IGFBP6: variants seen among roughly 807,000 people sequenced by gnomAD.
IGFBP6 encodes insulin-like growth factor-binding protein 6.
IGFBP6 carries 24 observed loss-of-function variants against 24.5 expected under a neutral mutation model. The ratio of observed to expected loss-of-function variants is 0.98; its 90% CI spans 0.71 to 1.38. IGFBP6 has a LOEUF of 1.38. Ranked by LOEUF, IGFBP6 falls within the 40% of genes most tolerant of loss-of-function variation. The pLI, the probability that IGFBP6 is intolerant of heterozygous loss-of-function variation, is 0.00. For synonymous variants in IGFBP6, 147 were observed against 137.4 expected, an observed-to-expected ratio of 1.07 and a Z score of -0.49; for missense variants, 331 against 324.8, an observed-to-expected ratio of 1.02 and a Z score of -0.15.
intron 1 of IGFBP6, among the ~76,000 whole-genome samples, chr12:53,098,438 G>A (rs904429254): frequency 6.6e-6 from 1 of 152,026 alleles, no homozygotes; most frequent in African/African-American, 2.4e-5. Flanking sequence ...GGACCCAAAT[G>A]TTGTTCTCAG....
chr12:53,101,898 C>CAAAAAAAA (rs57771658), intron 3 of IGFBP6, 147 bp from the exon 4 acceptor site: 6 of 199,410 alleles, frequency 3.0e-5, no homozygotes, highest in South Asian at 4.2e-5. Flanking sequence ...GACTCCATCT[C>CAAAAAAAA]AAAAAAAAAA....
At chr12:53,099,427 C>T (rs1423888414) in intron 1 of IGFBP6, 7 of 421,530 alleles carry the variant, frequency 1.7e-5, no homozygotes, top group African/African-American at 8.1e-5. Context: ...TTGAGCTGGC[C>T]TGGGTCACAG....
intron 1 of IGFBP6, 112 bp from the exon 2 acceptor site, chr12:53,100,600 C>G (rs1444621442): frequency 1.2e-5 from 11 of 950,796 alleles, no homozygotes; most frequent in Non-Finnish European, 1.8e-5. Context: ...CATCATGCAA[C>G]AGCGGGGCAT....
rs770998073 is a variant in IGFBP6, at chr12:53,097,994, C to A, written c.277C>A (p.Pro93Thr). 15 of 1,516,180 alleles carry A rather than the reference C, an allele frequency of 9.9e-6. No homozygotes were observed. The highest frequency in any genetic ancestry group is 1.1e-5 in the Non-Finnish European group (13 of 1,139,662). 93.9% of individuals were successfully genotyped at this position (1,516,180 alleles called of 1,614,324 possible). The change falls in exon 1 of 4, where the codon CCT (proline) becomes ACT (threonine). Residue 93 changes from proline (P) to threonine (T), a missense_variant. Transcript: ENST00000301464. ...CCATCCGCCCAAGGACGACGAGGCG[C>A]CTTTGCGGGCGCTGCTGCTCGGCCG... is the stretch of plus-strand genomic sequence containing the variant. ...QCHPPKDDEA[P>T]LRALLLGRGR... is the part of the protein sequence containing the mutation.
intron 3 of IGFBP6, 110 bp downstream of exon 3, chr12:53,101,270 A>T: frequency 1.8e-6 from 2 of 1,090,446 alleles, no homozygotes. Context: ...ATCTTTAAGG[A>T]TCTTCCAACT....
intron 1 of IGFBP6, 54 bp from the exon 2 acceptor site, chr12:53,100,658 C>G (rs1179995313): frequency 7.5e-6 from 12 of 1,594,282 alleles, no homozygotes; most frequent in African/African-American, 1.3e-5. Flanking sequence ...CAAGGCCCTT[C>G]TCCACATGGC....
Position 53,100,776 on chromosome 12 carries a change from C to T in IGFBP6, c.399C>T (p.Asn133=), listed in dbSNP as rs749026094. The T allele has an allele frequency of 9.9e-6, 16 of 1,614,204 alleles. No homozygotes were observed. The highest frequency in any genetic ancestry group is 1.0e-5 in the Non-Finnish European group (12 of 1,180,034). ...GCACTGCCCGCCCACAGGATGTGAA[C>T]CGCAGAGACCAACAGAGGAATCCAG... ...QAGTARPQDV[N]RRDQQRNPGT... Residue 133 remains asparagine, a synonymous_variant, in exon 2 of 4, where the codon AAC becomes AAT. Coordinates refer to ENST00000301464, the MANE Select transcript of IGFBP6 (RefSeq NM_002178.3).
rs1171003791 is a variant in IGFBP6 at position 53,097,800 on chromosome 12, G to T, written c.83G>T (p.Arg28Leu). The part of the protein sequence containing the change: ...LAASPGGALA[R>L]CPGCGQGVQA... The stretch of plus-strand genomic sequence containing the variant: ...GCCAGCCCAGGAGGCGCCTTGGCGC[G>T]GTGCCCAGGCTGCGGGCAAGGGGTG... Residue 28 changes from arginine to leucine, a missense_variant, in exon 1 of 4, where the codon CGG (arginine) becomes CTG (leucine). Transcript: ENST00000301464. The T allele has an allele frequency of 1.3e-6, 2 of 1,543,462 alleles. No homozygotes were observed. Among genetic ancestry groups the T allele is most frequent in the East Asian group, 2.5e-5 (1 of 40,780 alleles).
chr12:53,101,868 C>T (rs1437961987), intron 3 of IGFBP6, among the ~76,000 whole-genome samples, 177 bp from the exon 4 acceptor site: 1 of 131,788 alleles, frequency 7.6e-6, no homozygotes, highest in Non-Finnish European at 1.5e-5. Context: ...CAATGCATTC[C>T]AGCCAGGGCG....
chr12:53,102,300 T>C lies in IGFBP6; in HGVS notation c.*133T>C. 1 of 1,015,548 alleles carries C rather than the reference T, an allele frequency of 9.8e-7. No homozygotes were observed. Among genetic ancestry groups the C allele is most frequent in the Non-Finnish European group, 1.4e-6 (1 of 705,544 alleles). The allele number at this position is 1,015,548 out of a possible 1,614,324, so 62.9% of individuals were successfully genotyped here. A position where few individuals can be genotyped will look rare whatever the true frequency, so the allele number is the denominator to read the frequency against. On this transcript the variant is annotated 3_prime_UTR_variant, in exon 4 of 4. Coordinates refer to ENST00000301464, the MANE Select transcript of IGFBP6 (RefSeq NM_002178.3). ...CCCTCACCGCTGGTTGGAAAGAGTG[T>C]TGGTGTTGGCTGGGGTGTCAATAAA...
At chr12:53,100,892 G>A (rs757227517) in intron 2 of IGFBP6, 35 bp downstream of exon 2, 2 of 1,613,132 alleles carry the variant, frequency 1.2e-6, no homozygotes, top group Non-Finnish European at 1.7e-6. Flanking sequence ...AGGAGGGGTG[G>A]GAAGCCCTGG....
At position 53,097,784 on chromosome 12, in the gene IGFBP6, G is replaced by A. The variant is rs547855662; in HGVS notation, c.67G>A (p.Gly23Arg). The change falls in exon 1 of 4, where the codon GGA becomes AGA. Residue 23 changes from glycine (G) to arginine (R), a missense_variant. By Grantham distance (125) the Gly-to-Arg change is moderately radical. Transcript: ENST00000301464. ...LLALLLAASP[G>R]GALARCPGCG... is the part of the protein sequence containing the mutation. ...AGCTCTGCTGCTCGCTGCCAGCCCA[G>A]GAGGCGCCTTGGCGCGGTGCCCAGG... The A allele has an allele frequency of 3.3e-5, 51 of 1,544,882 alleles. No individual in the cohort carries two copies. The highest frequency in any genetic ancestry group is 3.6e-4 in the Middle Eastern group (2 of 5,544).
intron 3 of IGFBP6, among the ~76,000 whole-genome samples, chr12:53,101,628 G>A (rs1185557970): frequency 1.3e-5 from 2 of 152,106 alleles, no homozygotes; most frequent in East Asian, 1.9e-4. Flanking sequence ...GGCCGGGTGC[G>A]GTGTCTCATG....
intron 1 of IGFBP6, chr12:53,099,349 C>A (rs557693850): frequency 2.6e-5 from 12 of 455,564 alleles, no homozygotes; most frequent in South Asian, 4.7e-5. Context: ...ATTCCTTGCA[C>A]CTTCTTAATC....
At chr12:53,100,395 C>T (rs768936569) in intron 1 of IGFBP6, among the ~76,000 whole-genome samples, 3 of 152,218 alleles carry the variant, frequency 2.0e-5, no homozygotes, top group Non-Finnish European at 4.4e-5. Context: ...CTCCTGGGCT[C>T]GAGCAATCCT....
At chr12:53,099,210 ACATGCTCCC>A in intron 1 of IGFBP6, 2 of 431,966 alleles carry the variant, frequency 4.6e-6, no homozygotes, top group Admixed American at 4.9e-5. Flanking sequence ...AGCAGTCAGT[ACATGCTCCC>A]CTTTCTGCCT....
In IGFBP6 at chr12:53,097,670, T is replaced by C. The variant is rs955715897; in HGVS notation, c.-48T>C. On this transcript the variant is annotated 5_prime_UTR_variant, in exon 1 of 4. Transcript: ENST00000301464. ...CAGAGGGGCGGCGGCGGGCAGCAGC[T>C]GCGCTGCGACTGCTCTGGAAGGAGA... is the stretch of plus-strand genomic sequence containing the variant. The C allele has an allele frequency of 3.3e-5, 50 of 1,516,248 alleles. No individual in the cohort carries two copies. Among genetic ancestry groups the C allele is most frequent in the Non-Finnish European group, 4.4e-5 (50 of 1,137,098 alleles). 93.9% of individuals were successfully genotyped at this position (1,516,248 alleles called of 1,614,324 possible).
intron 1 of IGFBP6, among the ~76,000 whole-genome samples, chr12:53,098,688 G>T (rs964432811): frequency 5.9e-5 from 9 of 152,120 alleles, no homozygotes; most frequent in Non-Finnish European, 1.0e-4. Flanking sequence ...CCAAATCAGG[G>T]TTATGATTTA....
chr12:53,100,397 A>G (rs1937807905), intron 1 of IGFBP6, among the ~76,000 whole-genome samples: 1 of 152,236 alleles, frequency 6.6e-6, no homozygotes. Context: ...CCTGGGCTCG[A>G]GCAATCCTCC....
Sources: gnomAD v4.1 joint callset for allele counts (sites outside exome capture counted in the v4.1 genomes callset) on GRCh38, gnomAD v4.1.1 for gene constraint, MANE v1.5 for transcripts, NCBI Gene and HGNC (gene_info 2026-07-23, HGNC 2026-07-21) for gene names.